The following TOR3A variants were observed in gnomAD, a reference collection of about 807,000 sequenced individuals.
TOR3A encodes the protein torsin family 3 member A, also known as torsin-3A.
TOR3A carries 44 observed loss-of-function variants against 42.1 expected under a neutral mutation model. The ratio of observed to expected loss-of-function variants is 1.04; its 90% CI spans 0.82 to 1.34. The LOEUF (loss-of-function observed/expected upper bound fraction) is 1.34. Among genes scored for constraint, TOR3A ranks in the 40% most tolerant of loss-of-function variants. TOR3A has a pLI of 0.00. For synonymous variants in TOR3A, 227 were observed against 213.2 expected, an observed-to-expected ratio of 1.06 and a Z score of -0.57; for missense variants, 521 against 507.6, an observed-to-expected ratio of 1.03 and a Z score of -0.25.
chr1:179,094,127 C>G lies in TOR3A; in HGVS notation c.853C>G (p.Leu285Val). ...LRGDIINEVVLKLLKAGWSRE... is the reference protein window; with the variant it reads ...LRGDIINEVVVKLLKAGWSRE... ...GGGCGATATAATCAATGAGGTGGTC[C>G]TAAAGTTGCTCAAGGCTGGATGGTC... Residue 285 changes from leucine to valine, a missense_variant, in exon 5 of 6, where the codon CTA becomes GTA. Physicochemically the swap from Leu to Val is conservative, Grantham distance 32. Transcript: ENST00000367627. 6.2e-7 allele frequency: 1 copy of G among 1,613,974 alleles called. No individual in the cohort carries two copies. The highest frequency in any genetic ancestry group is 8.5e-7 in the Non-Finnish European group (1 of 1,179,964).
At chr1:179,091,231 G>A (rs779651276) in intron 4 of TOR3A, among the ~76,000 whole-genome samples, 3 of 152,148 alleles carry the variant, frequency 2.0e-5, no homozygotes, top group Admixed American at 6.5e-5. Flanking sequence ...GGCTGGAGAC[G>A]GGGGATGAGG....
chr1:179,088,587 G>A (rs1203461648), intron 4 of TOR3A: 1 of 152,396 alleles, frequency 6.6e-6, no homozygotes, highest in East Asian at 1.9e-4. Context: ...AGCCTTGGAA[G>A]TCTGTTTCTT....
At chr1:179,083,543 C>A (rs1018895643) in intron 2 of TOR3A, among the ~76,000 whole-genome samples, 1 of 143,576 alleles carries the variant, frequency 7.0e-6, no homozygotes, top group African/African-American at 2.6e-5. Flanking sequence ...CAGGTGCCTG[C>A]CACCACGTCC....
intron 4 of TOR3A, among the ~76,000 whole-genome samples, chr1:179,089,009 G>A (rs958850641): frequency 6.6e-6 from 1 of 152,198 alleles, no homozygotes; most frequent in African/African-American, 2.4e-5. Context: ...ACTTTGTGAG[G>A]ATGGGGAAGT....
At chr1:179,090,284 T>TC (rs1035550169) in intron 4 of TOR3A, among the ~76,000 whole-genome samples, 1 of 152,050 alleles carries the variant, frequency 6.6e-6, no homozygotes, top group Admixed American at 6.5e-5. Context: ...AGCCAGAGGT[T>TC]CCCCCCTCCA....
At position 179,095,091 on chromosome 1, in the gene TOR3A, T is replaced by C; in HGVS notation, c.1067T>C (p.Leu356Pro). Reference sequence around the variant, plus strand: ...CGGGATGCCTTCCTGAGCCAGGAGCTCCTGTATAAAGAAGAGACACTGGAT... The same window carrying C: ...CGGGATGCCTTCCTGAGCCAGGAGCCCCTGTATAAAGAAGAGACACTGGAT... The part of the protein sequence containing the change: ...CARDAFLSQE[L>P]LYKEETLDEI... The change falls in exon 6 of 6, where the codon CTC becomes CCC. Residue 356 changes from leucine (L) to proline (P), a missense_variant. Physicochemically the swap from Leu to Pro is moderately conservative, Grantham distance 98. Coordinates refer to ENST00000367627, the MANE Select transcript of TOR3A (RefSeq NM_022371.4). The C allele has an allele frequency of 6.2e-7, 1 of 1,614,160 alleles. No homozygotes were observed. The highest frequency in any genetic ancestry group is 8.5e-7 in the Non-Finnish European group (1 of 1,180,026).
rs761231433 is a variant in TOR3A, at chr1:179,095,196, G to T, written c.1172G>T (p.Arg391Met). The T allele has an allele frequency of 5.9e-5, 96 of 1,613,928 alleles. No individual in the cohort carries two copies. The highest frequency in any genetic ancestry group is 7.9e-5 in the Non-Finnish European group (93 of 1,180,020). The change falls in exon 6 of 6, where the codon AGG (arginine) becomes ATG (methionine). Residue 391 changes from arginine to methionine, a missense_variant. Arg to Met is a moderately conservative substitution (Grantham distance 91). Transcript: ENST00000367627. Reference sequence around the variant, plus strand: ...CAGGGCTGCAAGTCTATTTCCCAGAGGATTAACTACTTCCTGTCATGAAGG... The same window carrying T: ...CAGGGCTGCAAGTCTATTTCCCAGATGATTAACTACTTCCTGTCATGAAGG... ...SSQGCKSISQ[R>M]INYFLS
rs1022874638 is a variant in TOR3A, at chr1:179,095,530, A to G, written c.*312A>G. The stretch of plus-strand genomic sequence containing the variant: ...TCCAAAGTGGAATGTGGTTGAAGAA[A>G]GTGGGCCAGGTGGTTGAAGAAAGCC... On this transcript the variant is annotated 3_prime_UTR_variant, in exon 6 of 6. Transcript: ENST00000367627. 1.5e-5 allele frequency: 18 copies of G among 1,198,408 alleles called. No individual in the cohort carries two copies. Among genetic ancestry groups the G allele is most frequent in the Middle Eastern group, 3.4e-4 (1 of 2,928 alleles). 74.2% of individuals were successfully genotyped at this position (1,198,408 alleles called of 1,614,324 possible). A position where few individuals can be genotyped will look rare whatever the true frequency, so the allele number is the denominator to read the frequency against.
intron 5 of TOR3A, 59 bp from the exon 6 acceptor site, chr1:179,094,909 A>G: frequency 6.5e-7 from 1 of 1,543,314 alleles, no homozygotes; most frequent in South Asian, 1.1e-5. Context: ...CACCCCCGCT[A>G]AATTCCAGCT....
Position 179,094,116 on chromosome 1 carries a change from A to G in TOR3A, c.842A>G (p.Asn281Ser). 6.2e-7 allele frequency: 1 copy of G among 1,614,068 alleles called. No individual in the cohort carries two copies. The highest frequency in any genetic ancestry group is 8.5e-7 in the Non-Finnish European group (1 of 1,179,960). ...AGTAATCTCAGGGGCGATATAATCA[A>G]TGAGGTGGTCCTAAAGTTGCTCAAG... ...FLSNLRGDII[N>S]EVVLKLLKAG... The change falls in exon 5 of 6, where the codon AAT (asparagine) becomes AGT (serine). Residue 281 changes from asparagine (N) to serine (S), a missense_variant. Asn to Ser is a conservative substitution (Grantham distance 46, BLOSUM62 1). Transcript: ENST00000367627.
intron 3 of TOR3A, 51 bp from the exon 4 acceptor site, chr1:179,087,860 G>C: frequency 2.7e-6 from 4 of 1,491,360 alleles, no homozygotes; most frequent in Non-Finnish European, 3.6e-6. Flanking sequence ...CCTCAAGGCC[G>C]GAGGTGGAAG....
rs1301220144 is a variant in TOR3A at position 179,082,265 on chromosome 1, A to T, written c.137A>T (p.Gln46Leu). 2 of 1,559,024 alleles carry T rather than the reference A, an allele frequency of 1.3e-6. No homozygotes were observed. Among genetic ancestry groups the T allele is most frequent in the Non-Finnish European group, 1.7e-6 (2 of 1,159,484 alleles). The part of the protein sequence containing the change: ...PGSAWAWPGF[Q>L]RLQEQLRAAG... ...TCGGCCTGGGCCTGGCCGGGCTTCC[A>T]GCGCCTGCAGGAGCAGCTCAGGGCG... The change falls in exon 1 of 6, where the codon CAG becomes CTG. Residue 46 changes from glutamine (Q) to leucine (L), a missense_variant. By Grantham distance (113) the Gln-to-Leu change is moderately radical (BLOSUM62 -2). Transcript: ENST00000367627.
At chr1:179,092,341 G>A (rs1652613448) in intron 4 of TOR3A, among the ~76,000 whole-genome samples, 1 of 152,178 alleles carries the variant, frequency 6.6e-6, no homozygotes, top group South Asian at 2.1e-4. Context: ...GGTAAGGAGG[G>A]AAAGAGATGG....
At chr1:179,089,822 T>C (rs1227562599) in intron 4 of TOR3A, among the ~76,000 whole-genome samples, 1 of 151,868 alleles carries the variant, frequency 6.6e-6, no homozygotes, top group Non-Finnish European at 1.5e-5. Context: ...TCCACAGGGA[T>C]CTCCCTTGCG....
In TOR3A at chr1:179,088,126, G is replaced by A. The variant is rs1013822273; in HGVS notation, c.818+37G>A. On this transcript the variant is annotated intron_variant, in intron 4 of 5. Transcript: ENST00000367627. ...GGAACAATAGTCAGGAGGGCTGGGG[G>A]AGGGGAAGATACTAGCTGGCAGTGG... The A allele has an allele frequency of 3.3e-6, 5 of 1,518,778 alleles. No homozygotes were observed. The African/African-American group carries it at 5.6e-5, about 17-fold the overall frequency. 94.1% of individuals were successfully genotyped at this position (1,518,778 alleles called of 1,614,324 possible).
chr1:179,086,255 TCAGCTAA>T (rs1652430123), intron 3 of TOR3A, among the ~76,000 whole-genome samples: 1 of 152,238 alleles, frequency 6.6e-6, no homozygotes, highest in Non-Finnish European at 1.5e-5. Context: ...CACACCCTTG[TCAGCTAA>T]GGAGAGGTAG....
intron 4 of TOR3A, 55 bp downstream of exon 4, chr1:179,088,144 G>A: frequency 6.7e-7 from 1 of 1,481,804 alleles, no homozygotes; most frequent in Non-Finnish European, 9.0e-7. Flanking sequence ...GATACTAGCT[G>A]GCAGTGGAGG....
intron 1 of TOR3A, chr1:179,082,739 G>T: frequency 1.4e-6 from 1 of 704,022 alleles, no homozygotes; most frequent in Non-Finnish European, 2.6e-6. Flanking sequence ...CGTCCGCTGT[G>T]GACATGCCTG....
chr1:179,088,775 AAAT>A (rs1256634277), intron 4 of TOR3A, among the ~76,000 whole-genome samples: 2 of 152,184 alleles, frequency 1.3e-5, no homozygotes, highest in East Asian at 3.9e-4. Context: ...GCCAACTTAG[AAAT>A]AACTTGTCCA....
Sources: gnomAD v4.1 joint callset for allele counts (sites outside exome capture counted in the v4.1 genomes callset) on GRCh38, gnomAD v4.1.1 for gene constraint, MANE v1.5 for transcripts, NCBI Gene and HGNC (gene_info 2026-07-23, HGNC 2026-07-21) for gene names.